The following NRXN1 variants were observed in gnomAD, a reference collection of about 807,000 sequenced individuals.
NRXN1 encodes the protein neurexin-1.
NRXN1 carries 39 observed loss-of-function variants against 150.9 expected under a neutral mutation model. That is an observed-to-expected ratio of 0.26 (90% CI 0.20 to 0.34). The LOEUF is 0.34. Ranked by LOEUF, NRXN1 falls within the 10% of genes least tolerant of loss-of-function variation. NRXN1 has a pLI of 1.00. For missense variants in NRXN1, 1,815 were observed against 1,949.9 expected (o/e 0.93, Z 1.30); for synonymous variants, 924 against 757.0 (o/e 1.22, Z -3.62).
chr2:49,989,490 T>A (rs531979909), intron 21 of NRXN1, among the ~76,000 whole-genome samples: 1 of 152,224 alleles, frequency 6.6e-6, no homozygotes, highest in South Asian at 2.1e-4. Context: ...GGAAAGACCA[T>A]GAGGAGCATA....
At chr2:50,159,758 CT>C (rs1334674334) in intron 18 of NRXN1, among the ~76,000 whole-genome samples, 4 of 151,966 alleles carry the variant, frequency 2.6e-5, no homozygotes, top group Non-Finnish European at 5.9e-5. Context: ...GGAAAAATGT[CT>C]TGGGAGAAGG....
rs1303464714 is a variant in NRXN1, at chr2:50,750,749, T to C, written c.833-127134A>G. On this transcript the variant is annotated intron_variant, in intron 5 of 22. Transcript: ENST00000401669. ...ACCGAAGTACTGACACAAGCATTAC[T>C]AGCCGAAGTGGTTGTAGATTTCCTT... Among the ~76,000 whole-genome samples the C allele has an allele frequency of 3.3e-5, 5 of 152,056 alleles. No homozygotes were observed. In the East Asian group the frequency reaches 9.7e-4, roughly 29 times the overall value.
chr2:49,968,567 C>G (rs536205501), intron 21 of NRXN1, among the ~76,000 whole-genome samples: 3 of 152,114 alleles, frequency 2.0e-5, no homozygotes, highest in East Asian at 3.9e-4. Context: ...ATTTTAGAAG[C>G]AGGTATTGAT....
intron 5 of NRXN1, among the ~76,000 whole-genome samples, chr2:50,644,794 G>T (rs575391010): frequency 1.4e-4 from 20 of 144,546 alleles, no homozygotes; most frequent in Non-Finnish European, 2.2e-4. Context: ...GTATATAAAA[G>T]AAATATATAT....
At chr2:50,197,152 C>A (rs1186640758) in intron 18 of NRXN1, among the ~76,000 whole-genome samples, 3 of 151,938 alleles carry the variant, frequency 2.0e-5, no homozygotes, top group East Asian at 1.9e-4. Context: ...TTTTTGATGA[C>A]GGTGATTTCA....
chr2:50,127,500 C>G (rs981729981), intron 18 of NRXN1, among the ~76,000 whole-genome samples: 1 of 152,000 alleles, frequency 6.6e-6, no homozygotes, highest in African/African-American at 2.4e-5. Context: ...CCTTAGAGTT[C>G]GGTTTTCTGA....
At chr2:50,220,956 A>C (rs1288565831) in intron 18 of NRXN1, among the ~76,000 whole-genome samples, 1 of 152,032 alleles carries the variant, frequency 6.6e-6, no homozygotes, top group Non-Finnish European at 1.5e-5. Flanking sequence ...CATATAACTG[A>C]TACTTGCCGA....
chr2:50,552,630 A>G lies in NRXN1; in HGVS notation c.1716T>C (p.Asp572=), dbSNP rs766324310. 2 of 1,613,866 alleles carry G rather than the reference A, an allele frequency of 1.2e-6. No homozygotes were observed. Among genetic ancestry groups the G allele is most frequent in the Admixed American group, 1.7e-5 (1 of 60,012 alleles). Residue 572 remains aspartate (D), a synonymous_variant, in exon 9 of 23, where the codon GAT becomes GAC. Coordinates refer to ENST00000401669, the MANE Select transcript of NRXN1 (RefSeq NM_001330078.2). The stretch of plus-strand genomic sequence containing the variant: ...GGAAGTCCACATGATACCATTCTCC[A>G]TCATTCACTTTCTTCAACAGGGCTT... ...KIKALLKKVN[D]GEWYHVDFQR...
At position 50,499,386 on chromosome 2, in the gene NRXN1, T is replaced by C. The variant is rs561223270; in HGVS notation, c.2498-1672A>G. On this transcript the variant is annotated intron_variant, in intron 13 of 22. Coordinates refer to ENST00000401669, the MANE Select transcript of NRXN1 (RefSeq NM_001330078.2). Reference sequence around the variant, plus strand: ...CAAAAATGTCACCATAAATAATTGTTTCGTCTCTCTCTACCCTCACTACCA... The same window carrying C: ...CAAAAATGTCACCATAAATAATTGTCTCGTCTCTCTCTACCCTCACTACCA... Among the ~76,000 whole-genome samples the C allele has an allele frequency of 5.5e-4, 84 of 152,272 alleles. 1 individual carries two copies. Among genetic ancestry groups the C allele is most frequent in the Admixed American group, 5.5e-3 (84 of 15,288 alleles).
intron 5 of NRXN1, among the ~76,000 whole-genome samples, chr2:50,741,034 C>A (rs1379051697): frequency 6.6e-6 from 1 of 152,168 alleles, no homozygotes; most frequent in East Asian, 1.9e-4. Context: ...CTGTCAAAAT[C>A]TGTGACGGCT....
At chr2:50,411,635 G>A (rs1321076314) in intron 17 of NRXN1, among the ~76,000 whole-genome samples, 4 of 151,342 alleles carry the variant, frequency 2.6e-5, no homozygotes, top group Admixed American at 6.6e-5. Flanking sequence ...GTCTCTGACC[G>A]GCCGCCCCGT....
At chr2:50,313,073 A>G (rs1013144140) in intron 17 of NRXN1, among the ~76,000 whole-genome samples, 1 of 152,114 alleles carries the variant, frequency 6.6e-6, no homozygotes, top group African/African-American at 2.4e-5. Flanking sequence ...AAATAAATCA[A>G]GAAGAGAGTG....
At chr2:50,372,095 T>C (rs780121324) in intron 17 of NRXN1, among the ~76,000 whole-genome samples, 12 of 152,134 alleles carry the variant, frequency 7.9e-5, no homozygotes, top group Non-Finnish European at 1.3e-4. Context: ...AGTAAATTCC[T>C]GTTACATTTC....
chr2:50,853,284 A>G (rs1164798241), intron 5 of NRXN1, among the ~76,000 whole-genome samples: 1 of 152,120 alleles, frequency 6.6e-6, no homozygotes, highest in Non-Finnish European at 1.5e-5. Context: ...GATTTTCATA[A>G]TGAAAATCTG....
intron 17 of NRXN1, among the ~76,000 whole-genome samples, chr2:50,432,610 C>T (rs1572950686): frequency 6.6e-6 from 1 of 152,190 alleles, no homozygotes; most frequent in African/African-American, 2.4e-5. Context: ...GAATTCCTGT[C>T]CCTTCATTTA....
intron 17 of NRXN1, among the ~76,000 whole-genome samples, chr2:50,286,794 C>T (rs1032469576): frequency 3.3e-5 from 5 of 152,074 alleles, no homozygotes; most frequent in African/African-American, 9.6e-5. Context: ...TTCATATTAT[C>T]GCAGAATAAG....
intron 21 of NRXN1, among the ~76,000 whole-genome samples, chr2:49,960,512 T>C (rs540488319): frequency 6.6e-6 from 1 of 152,280 alleles, no homozygotes; most frequent in Non-Finnish European, 1.5e-5. Flanking sequence ...CCACTGAATA[T>C]CACATTAATT....
At chr2:50,896,862 T>A (rs1401365551) in intron 5 of NRXN1, among the ~76,000 whole-genome samples, 1 of 149,508 alleles carries the variant, frequency 6.7e-6, no homozygotes, top group Non-Finnish European at 1.5e-5. Flanking sequence ...AAAAAAAAAA[T>A]TCAGAATAGA....
rs78925272 is a variant in NRXN1 at position 50,344,135 on chromosome 2, C to T, written c.3365-107165G>A. On this transcript the variant is annotated intron_variant, in intron 17 of 22. Coordinates refer to ENST00000401669, the MANE Select transcript of NRXN1 (RefSeq NM_001330078.2). ...ATTGACCCAACAAATTCAACATCAC[C>T]TCTTTCTTATTAGGTTTCTCTTTAA... is the stretch of plus-strand genomic sequence containing the variant. 2.7e-3 allele frequency among the ~76,000 whole-genome samples: 417 copies of T among 152,198 alleles called. 3 individuals carry two copies. The highest frequency in any genetic ancestry group is 4.3e-3 in the Non-Finnish European group (293 of 68,016).
Sources: gnomAD v4.1 joint callset for allele counts (sites outside exome capture counted in the v4.1 genomes callset) on GRCh38, gnomAD v4.1.1 for gene constraint, MANE v1.5 for transcripts, NCBI Gene and HGNC (gene_info 2026-07-23, HGNC 2026-07-21) for gene names.